The following DCC variants were observed in gnomAD, a reference collection of about 807,000 sequenced individuals.
The protein encoded by DCC is DCC netrin 1 receptor.
Under a neutral mutation model 172.5 loss-of-function variants are expected in DCC, and 58 were observed. The ratio of observed to expected loss-of-function variants is 0.34; its 90% CI spans 0.27 to 0.42. DCC has a LOEUF of 0.42. Among genes scored for constraint, DCC ranks in the 10% least tolerant of loss-of-function variants. The pLI is 1.00. For synonymous variants in DCC, 709 were observed against 644.5 expected (o/e 1.10, Z -1.52); for missense variants, 1,740 against 1,791.0 (o/e 0.97, Z 0.51).
chr18:53,279,644 T>C (rs1271452214), intron 12 of DCC, among the ~76,000 whole-genome samples: 1 of 56,366 alleles, frequency 1.8e-5, no homozygotes, highest in African/African-American at 4.8e-5. Flanking sequence ...ACTTAAAGTA[T>C]AATAAAAAAA....
At chr18:52,627,733 G>A (rs1849092562) in intron 1 of DCC, among the ~76,000 whole-genome samples, 1 of 152,140 alleles carries the variant, frequency 6.6e-6, no homozygotes, top group Admixed American at 6.5e-5. Flanking sequence ...GAACAGAGGT[G>A]GTCTTCACAG....
intron 1 of DCC, among the ~76,000 whole-genome samples, chr18:52,700,036 G>C (rs1227018691): frequency 7.3e-6 from 1 of 137,066 alleles, no homozygotes. Flanking sequence ...TCCTTTCAGT[G>C]ATCTGTTTAT....
chr18:52,371,407 T>C (rs1272351052), intron 1 of DCC, among the ~76,000 whole-genome samples: 2 of 152,262 alleles, frequency 1.3e-5, no homozygotes, highest in Non-Finnish European at 2.9e-5. Flanking sequence ...ATTTATATTT[T>C]GTGAAATATG....
At chr18:52,848,185 G>C (rs112991577) in intron 2 of DCC, among the ~76,000 whole-genome samples, 16 of 149,544 alleles carry the variant, frequency 1.1e-4, no homozygotes, top group Non-Finnish European at 2.1e-4. Context: ...TCCCAGGTTC[G>C]ATAGATTCTC....
At chr18:53,211,804 T>C (rs2055757783) in intron 11 of DCC, among the ~76,000 whole-genome samples, 1 of 152,042 alleles carries the variant, frequency 6.6e-6, no homozygotes, top group African/African-American at 2.4e-5. Flanking sequence ...TCCCAGAACT[T>C]TGGGAAGCTG....
intron 1 of DCC, among the ~76,000 whole-genome samples, chr18:52,542,958 C>T (rs950015381): frequency 2.0e-5 from 3 of 152,216 alleles, no homozygotes; most frequent in South Asian, 4.1e-4. Context: ...ATTGAATATT[C>T]GAAGCTGGGC....
intron 1 of DCC, among the ~76,000 whole-genome samples, chr18:52,357,420 C>T (rs1568130585): frequency 6.6e-6 from 1 of 152,110 alleles, no homozygotes; most frequent in Non-Finnish European, 1.5e-5. Context: ...AAAACTGCAA[C>T]AATTTGAGCA....
At chr18:52,709,610 C>G (rs115028125) in intron 1 of DCC, among the ~76,000 whole-genome samples, 1 of 152,252 alleles carries the variant, frequency 6.6e-6, no homozygotes, top group African/African-American at 2.4e-5. Context: ...TCTCCCAACA[C>G]CAGATGCTTT....
intron 8 of DCC, among the ~76,000 whole-genome samples, chr18:53,168,792 G>A (rs1304834108): frequency 6.6e-6 from 1 of 152,070 alleles, no homozygotes; most frequent in African/African-American, 2.4e-5. Context: ...TAGGGGTCCT[G>A]GGGCAGGACG....
At chr18:53,260,877 T>C (rs1188343939) in intron 12 of DCC, among the ~76,000 whole-genome samples, 1 of 152,084 alleles carries the variant, frequency 6.6e-6, no homozygotes. Flanking sequence ...GGCCGCTTTG[T>C]TTACCTACTC....
At chr18:52,590,752 G>A (rs1187046121) in intron 1 of DCC, among the ~76,000 whole-genome samples, 1 of 152,214 alleles carries the variant, frequency 6.6e-6, no homozygotes, top group Admixed American at 6.5e-5. Context: ...TCTGTGCTTA[G>A]CACAAAGTAC....
chr18:53,145,104 G>GTTTT (rs2043886639), intron 7 of DCC, among the ~76,000 whole-genome samples: 2 of 57,562 alleles, frequency 3.5e-5, no homozygotes, highest in Non-Finnish European at 7.6e-5. Context: ...TGAGGGCTCT[G>GTTTT]CTTTTTTTTT....
At chr18:52,451,523 G>A (rs1026066121) in intron 1 of DCC, among the ~76,000 whole-genome samples, 1 of 152,140 alleles carries the variant, frequency 6.6e-6, no homozygotes, top group Non-Finnish European at 1.5e-5. Context: ...ATGGCCTCAG[G>A]CAATCGGAAA....
chr18:52,700,595 A>C (rs781129986), intron 1 of DCC, among the ~76,000 whole-genome samples: 3 of 152,234 alleles, frequency 2.0e-5, no homozygotes, highest in Non-Finnish European at 4.4e-5. Context: ...AATATGGGCT[A>C]ATATAGTTTT....
intron 23 of DCC, among the ~76,000 whole-genome samples, chr18:53,454,441 A>G (rs907116021): frequency 7.9e-5 from 12 of 152,248 alleles, no homozygotes; most frequent in Non-Finnish European, 1.6e-4. Flanking sequence ...CATATGGAAC[A>G]CATGTTATTA....
chr18:52,717,708 G>A (rs996779930), intron 1 of DCC, among the ~76,000 whole-genome samples: 8 of 152,034 alleles, frequency 5.3e-5, no homozygotes, highest in Admixed American at 2.6e-4. Context: ...TTAGGGTTTC[G>A]CTGGTGCTGT....
chr18:53,210,803 T>G (rs961088578), intron 11 of DCC, among the ~76,000 whole-genome samples: 2 of 152,222 alleles, frequency 1.3e-5, no homozygotes, highest in Non-Finnish European at 2.9e-5. Flanking sequence ...ACTTTATGTT[T>G]TTTTTTCCCT....
intron 5 of DCC, among the ~76,000 whole-genome samples, chr18:52,968,504 A>G (rs2040971094): frequency 6.6e-6 from 1 of 152,070 alleles, no homozygotes. Flanking sequence ...TCCCTCTGTT[A>G]CTAGTTCAGG....
At chr18:52,895,940 A>G (rs2039722255) in intron 2 of DCC, among the ~76,000 whole-genome samples, 1 of 152,088 alleles carries the variant, frequency 6.6e-6, no homozygotes, top group Admixed American at 6.6e-5. Flanking sequence ...GCACACAACC[A>G]CACTTGGCTC....
Sources: allele counts gnomAD v4.1 joint callset (sites outside exome capture counted in the v4.1 genomes callset), GRCh38; gene constraint gnomAD v4.1.1; transcripts MANE v1.5; gene names NCBI Gene and HGNC (gene_info 2026-07-23, HGNC 2026-07-21).